ZBED4: variants seen among roughly 807,000 people sequenced by gnomAD.
ZBED4 encodes zinc finger BED domain-containing protein 4.
ZBED4 carries 4 observed loss-of-function variants against 15.5 expected under a neutral mutation model. That is an observed-to-expected ratio of 0.26 (90% CI 0.13 to 0.59). The LOEUF (loss-of-function observed/expected upper bound fraction) is 0.59. Among genes scored for constraint, ZBED4 ranks in the 20% least tolerant of loss-of-function variants. The pLI, the probability that ZBED4 is intolerant of heterozygous loss-of-function variation, is 0.90. For missense variants in ZBED4, 1,323 were observed against 1,461.8 expected (o/e 0.91, Z 1.55); for synonymous variants, 692 against 608.5 (o/e 1.14, Z -2.02).
At chr22:49,853,776 G>A (rs1397482592), upstream of ZBED4, 1 of 147,884 alleles carries the variant, frequency 6.8e-6, no homozygotes, top group Non-Finnish European at 1.5e-5. Context: ...GCGAGAGTAG[G>A]CCCCGCCCCC....
chr22:49,882,865 A>T (rs989674629), intron 1 of ZBED4, among the ~76,000 whole-genome samples: 5 of 152,250 alleles, frequency 3.3e-5, no homozygotes, highest in African/African-American at 1.2e-4. Flanking sequence ...TCCGTTTCCT[A>T]TTCAGCTTTT....
At chr22:49,869,959 T>A (rs1336126253) in intron 1 of ZBED4, among the ~76,000 whole-genome samples, 1 of 152,112 alleles carries the variant, frequency 6.6e-6, no homozygotes, top group Non-Finnish European at 1.5e-5. Context: ...TCTTGTCCCC[T>A]CCTCCCTTCC....
In ZBED4 at chr22:49,883,411, C is replaced by G; in HGVS notation, c.-252C>G. The G allele has an allele frequency of 2.6e-6, 1 of 388,556 alleles. No homozygotes were observed. Among genetic ancestry groups the G allele is most frequent in the Non-Finnish European group, 4.5e-6 (1 of 221,738 alleles). 24.1% of individuals were successfully genotyped at this position (388,556 alleles called of 1,614,324 possible). ...CCTCAGGACCAGAAGCACGTCTCTGCTGCACACATTGTTGTCTACACCATG... is the reference window on the plus strand; with the variant it reads ...CCTCAGGACCAGAAGCACGTCTCTGGTGCACACATTGTTGTCTACACCATG... On this transcript the variant is annotated 5_prime_UTR_variant, in exon 2 of 2. Coordinates refer to ENST00000216268, the MANE Select transcript of ZBED4 (RefSeq NM_014838.3).
At chr22:49,858,239 T>C (rs1285286998) in intron 1 of ZBED4, among the ~76,000 whole-genome samples, 1 of 152,230 alleles carries the variant, frequency 6.6e-6, no homozygotes, top group African/African-American at 2.4e-5. Context: ...TGTTGGCTTC[T>C]GTGTGGGCAG....
intron 1 of ZBED4, among the ~76,000 whole-genome samples, chr22:49,876,213 G>A (rs2060375578): frequency 6.6e-6 from 1 of 152,302 alleles, no homozygotes; most frequent in South Asian, 2.1e-4. Context: ...GTCTGTCTTG[G>A]TGAAGGTTTT....
chr22:49,885,249 C>G lies in ZBED4; in HGVS notation c.1587C>G (p.Ala529=), dbSNP rs1316128849. The G allele has an allele frequency of 6.2e-7, 1 of 1,605,572 alleles. No homozygotes were observed. The highest frequency in any genetic ancestry group is 2.2e-5 in the East Asian group (1 of 44,778). Residue 529 remains alanine, a synonymous_variant, in exon 2 of 2, where the codon GCC becomes GCG. Coordinates refer to ENST00000216268, the MANE Select transcript of ZBED4 (RefSeq NM_014838.3). ...SLANSPYATL[A]SAESSSSKLT... is the part of the protein sequence containing the mutation. Reference sequence around the variant, plus strand: ...CAAACTCTCCGTATGCCACTTTGGCCTCTGCAGAAAGTTCCTCTTCCAAAT... The same window carrying G: ...CAAACTCTCCGTATGCCACTTTGGCGTCTGCAGAAAGTTCCTCTTCCAAAT...
intron 1 of ZBED4, among the ~76,000 whole-genome samples, chr22:49,863,915 G>A: frequency 6.6e-6 from 1 of 152,200 alleles, no homozygotes. Flanking sequence ...TGGACAGTGA[G>A]AGCCCCTACA....
chr22:49,870,647 C>G (rs1488562443), intron 1 of ZBED4, among the ~76,000 whole-genome samples: 1 of 151,968 alleles, frequency 6.6e-6, no homozygotes, highest in Non-Finnish European at 1.5e-5. Context: ...CTGTTCATGT[C>G]CTTTGCTTGC....
In ZBED4 at chr22:49,883,536, C is replaced by A; in HGVS notation, c.-127C>A. The A allele has an allele frequency of 7.6e-7, 1 of 1,310,608 alleles. No individual in the cohort carries two copies. Among genetic ancestry groups the A allele is most frequent in the Non-Finnish European group, 1.0e-6 (1 of 984,350 alleles). 81.2% of individuals were successfully genotyped at this position (1,310,608 alleles called of 1,614,324 possible). On this transcript the variant is annotated 5_prime_UTR_variant, in exon 2 of 2. Coordinates refer to ENST00000216268, the MANE Select transcript of ZBED4 (RefSeq NM_014838.3). ...GTACTATTTATGATTAGCCATATTT[C>A]TAGAAACATCCTGAAAGATGGAATT...
At chr22:49,870,490 A>AT (rs1361491423) in intron 1 of ZBED4, among the ~76,000 whole-genome samples, 3 of 150,826 alleles carry the variant, frequency 2.0e-5, no homozygotes, top group Non-Finnish European at 3.0e-5. Context: ...AGCATCTGTT[A>AT]TTTTTTTCTT....
chr22:49,865,104 TTGTG>T (rs1382557997), intron 1 of ZBED4, among the ~76,000 whole-genome samples: 2 of 152,060 alleles, frequency 1.3e-5, no homozygotes, highest in Non-Finnish European at 2.9e-5. Context: ...GATGTTGTCG[TTGTG>T]TGAACCTCAT....
intron 1 of ZBED4, among the ~76,000 whole-genome samples, chr22:49,855,741 G>A (rs2060272514): frequency 6.6e-6 from 1 of 152,172 alleles, no homozygotes; most frequent in South Asian, 2.1e-4. Context: ...ATTCTCTTTG[G>A]TGTGGTGGTT....
intron 1 of ZBED4, among the ~76,000 whole-genome samples, chr22:49,865,266 T>A (rs13056374): frequency 2.0e-5 from 3 of 151,934 alleles, no homozygotes; most frequent in Admixed American, 2.0e-4. Context: ...AGTAAACAGA[T>A]GGTGTCGTTA....
intron 1 of ZBED4, among the ~76,000 whole-genome samples, chr22:49,881,713 G>C (rs2060410640): frequency 6.6e-6 from 1 of 152,082 alleles, no homozygotes; most frequent in South Asian, 2.1e-4. Flanking sequence ...TTTTTGTTTT[G>C]TAGAGAACAG....
At chr22:49,866,295 G>T (rs865932377) in intron 1 of ZBED4, among the ~76,000 whole-genome samples, 1 of 152,010 alleles carries the variant, frequency 6.6e-6, no homozygotes, top group Middle Eastern at 3.4e-3. Context: ...CCTGTTTCTG[G>T]GGTGGCTGTT....
At position 49,889,894 on chromosome 22, in the gene ZBED4, G is replaced by A. The variant is rs1569167604; in HGVS notation, c.*2716G>A. The A allele has an allele frequency of 6.0e-6, 1 of 167,042 alleles. No individual in the cohort carries two copies. 10.3% of individuals were successfully genotyped at this position (167,042 alleles called of 1,614,324 possible). A position where few individuals can be genotyped will look rare whatever the true frequency, so the allele number is the denominator to read the frequency against. Reference sequence around the variant, plus strand: ...GTTTGTTTCCCTGCCTGGAAATGATGTTTTAGGCAGGTTCCTTAATTTCTC... The same window carrying A: ...GTTTGTTTCCCTGCCTGGAAATGATATTTTAGGCAGGTTCCTTAATTTCTC... On this transcript the variant is annotated 3_prime_UTR_variant, in exon 2 of 2. Transcript: ENST00000216268.
rs758788484 is a variant in ZBED4 at position 49,888,760 on chromosome 22, G to C, written c.*1582G>C. 7.2e-5 allele frequency: 12 copies of C among 167,244 alleles called. No individual in the cohort carries two copies. The highest frequency in any genetic ancestry group is 2.9e-4 in the African/African-American group (12 of 41,466). 10.4% of individuals were successfully genotyped at this position (167,244 alleles called of 1,614,324 possible). On this transcript the variant is annotated 3_prime_UTR_variant, in exon 2 of 2. Coordinates refer to ENST00000216268, the MANE Select transcript of ZBED4 (RefSeq NM_014838.3). ...ACCCGGTAGCTGTGCGCTTGTTCCC[G>C]TGAGAACAGCCTGCTTCCAGAGTGC... is the stretch of plus-strand genomic sequence containing the variant.
rs940435434 is a variant in ZBED4 at position 49,869,627 on chromosome 22, C to T, written c.-329-13707C>T. 3.3e-5 allele frequency among the ~76,000 whole-genome samples: 5 copies of T among 152,148 alleles called. No homozygotes were observed. In the East Asian group the frequency reaches 7.7e-4, roughly 23 times the overall value. ...TACATTGTTTCTCTTAAAAAGTCAG[C>T]AGTGTATCTCATTGGTTTTTTTCTT... On this transcript the variant is annotated intron_variant, in intron 1 of 1. Coordinates refer to ENST00000216268, the MANE Select transcript of ZBED4 (RefSeq NM_014838.3).
At chr22:49,873,342 A>G (rs934832865) in intron 1 of ZBED4, among the ~76,000 whole-genome samples, 3 of 152,158 alleles carry the variant, frequency 2.0e-5, no homozygotes, top group African/African-American at 4.8e-5. Context: ...GGGAAGAGGG[A>G]GGCTGGAGGA....
Sources: gnomAD v4.1 joint callset for allele counts (sites outside exome capture counted in the v4.1 genomes callset) on GRCh38, gnomAD v4.1.1 for gene constraint, MANE v1.5 for transcripts, NCBI Gene and HGNC (gene_info 2026-07-23, HGNC 2026-07-21) for gene names.